NAALADL2: variants seen among roughly 807,000 people sequenced by gnomAD.
NAALADL2 encodes inactive N-acetylated-alpha-linked acidic dipeptidase-like protein 2.
Under a neutral mutation model 87.2 loss-of-function variants are expected in NAALADL2, and 76 were observed. The observed-to-expected ratio is 0.87, with a 90% confidence interval of 0.72 to 1.05. NAALADL2 has a LOEUF of 1.05. NAALADL2 is among the 50% of genes least tolerant of loss of function. The pLI, the probability that NAALADL2 is intolerant of heterozygous loss-of-function variation, is 0.00. For missense variants in NAALADL2, 1,089 were observed against 945.8 expected (o/e 1.15, Z -1.99); for synonymous variants, 354 against 331.0 (o/e 1.07, Z -0.75).
In NAALADL2 at chr3:175,335,310, A is replaced by G. The variant is rs573440081; in HGVS notation, c.1090+10985A>G. Among the ~76,000 whole-genome samples, 5 of 152,344 alleles carry G rather than the reference A, an allele frequency of 3.3e-5. No individual in the cohort carries two copies. In the East Asian group the frequency reaches 7.7e-4, roughly 23 times the overall value. ...TACAGAGAATTTCTGTCATCAAGCAAAATTCCGTTGGAATGAGTGCTGCAG... is the reference window on the plus strand; with the variant it reads ...TACAGAGAATTTCTGTCATCAAGCAGAATTCCGTTGGAATGAGTGCTGCAG... On this transcript the variant is annotated intron_variant, in intron 5 of 13. Transcript: ENST00000454872.
intron 2 of NAALADL2, among the ~76,000 whole-genome samples, chr3:175,189,882 A>T (rs537259334): frequency 4.6e-5 from 7 of 152,310 alleles, no homozygotes; most frequent in African/African-American, 1.7e-4. Flanking sequence ...GGTAACAGAA[A>T]AAGACAGTGA....
chr3:175,106,229 AAGTT>A (rs56136195), intron 2 of NAALADL2, among the ~76,000 whole-genome samples: 66,781 of 151,448 alleles, frequency 0.44, 14,727 homozygotes, highest in East Asian at 0.52. Context: ...CATCAGGACT[AAGTT>A]AGAGTGTTAA....
At chr3:175,126,483 C>G (rs1188537858) in intron 2 of NAALADL2, among the ~76,000 whole-genome samples, 1 of 152,030 alleles carries the variant, frequency 6.6e-6, no homozygotes, top group Non-Finnish European at 1.5e-5. Context: ...TCAAAAGTAA[C>G]TGAACAATTC....
chr3:174,711,429 C>T (rs962817831), intron 2 of NAALADL2, among the ~76,000 whole-genome samples: 1 of 152,192 alleles, frequency 6.6e-6, no homozygotes, highest in Non-Finnish European at 1.5e-5. Flanking sequence ...GAGAATTATG[C>T]TTCCCACTTA....
intron 11 of NAALADL2, among the ~76,000 whole-genome samples, chr3:175,666,911 AAATT>A (rs1198645246): frequency 2.0e-5 from 3 of 152,046 alleles, no homozygotes; most frequent in Non-Finnish European, 4.4e-5. Context: ...AATAGAACTC[AAATT>A]AATTAATCTA....
intron 9 of NAALADL2, among the ~76,000 whole-genome samples, chr3:175,477,276 T>A (rs887671065): frequency 4.6e-5 from 7 of 152,170 alleles, no homozygotes; most frequent in Admixed American, 4.6e-4. Flanking sequence ...TTAGAACAGA[T>A]GTTACTACTT....
At chr3:175,454,628 C>G (rs530866945) in intron 6 of NAALADL2, among the ~76,000 whole-genome samples, 2 of 152,158 alleles carry the variant, frequency 1.3e-5, no homozygotes, top group South Asian at 4.1e-4. Flanking sequence ...TTTTATTTAC[C>G]TGGGTTCCCA....
intron 2 of NAALADL2, among the ~76,000 whole-genome samples, chr3:175,124,921 C>T (rs1367776818): frequency 6.6e-6 from 1 of 151,856 alleles, no homozygotes; most frequent in South Asian, 2.1e-4. Context: ...AGAGTAGAGA[C>T]ATGAGCACTA....
intron 2 of NAALADL2, among the ~76,000 whole-genome samples, chr3:175,205,840 G>T (rs1177488596): frequency 6.6e-6 from 1 of 150,782 alleles, no homozygotes; most frequent in South Asian, 2.1e-4. Flanking sequence ...AAAAAAAAAT[G>T]AAAAAATGCC....
intron 2 of NAALADL2, among the ~76,000 whole-genome samples, chr3:174,576,765 A>G (rs1190802877): frequency 6.6e-6 from 1 of 152,214 alleles, no homozygotes; most frequent in Admixed American, 6.5e-5. Context: ...TAAGGTTTAA[A>G]TGATAGCTTC....
At position 175,096,637 on chromosome 3, in the gene NAALADL2, A is replaced by G. The variant is rs140321656; in HGVS notation, c.44-153A>G. Among the ~76,000 whole-genome samples the G allele has an allele frequency of 5.5e-3, 829 of 152,006 alleles. 5 individuals are homozygous for G. The highest frequency in any genetic ancestry group is 0.019 in the African/African-American group (790 of 41,476). On this transcript the variant is annotated intron_variant, in intron 1 of 13. Transcript: ENST00000454872. The stretch of plus-strand genomic sequence containing the variant: ...AACATCAACAGAAAATTATAAGATT[A>G]ATTAAATAAAATATGAGTTTCTATA...
chr3:175,349,598 T>C (rs540816922), intron 5 of NAALADL2, among the ~76,000 whole-genome samples: 81 of 152,282 alleles, frequency 5.3e-4, no homozygotes, highest in Non-Finnish European at 9.7e-4. Context: ...AACAGACCCT[T>C]GCTTCAACCT....
intron 3 of NAALADL2, among the ~76,000 whole-genome samples, chr3:174,830,719 T>C (rs867037383): frequency 5.9e-5 from 9 of 152,152 alleles, no homozygotes; most frequent in Non-Finnish European, 1.5e-5. Context: ...TTTCACGATA[T>C]TGATTCTTCC....
chr3:175,363,481 C>G (rs1280135453), intron 5 of NAALADL2, among the ~76,000 whole-genome samples: 2 of 147,178 alleles, frequency 1.4e-5, no homozygotes, highest in Non-Finnish European at 3.0e-5. Context: ...GATTTTGTTT[C>G]CTTTTATGAG....
chr3:175,484,518 A>G (rs756630686), intron 9 of NAALADL2, among the ~76,000 whole-genome samples: 11 of 152,122 alleles, frequency 7.2e-5, no homozygotes, highest in Non-Finnish European at 1.3e-4. Context: ...AAGTCAACTC[A>G]CTTTCTTTAA....
chr3:174,862,425 C>A (rs765404015), intron 1 of NAALADL2, among the ~76,000 whole-genome samples: 20 of 151,980 alleles, frequency 1.3e-4, no homozygotes, highest in Non-Finnish European at 2.4e-4. Flanking sequence ...ATAAGGGCTT[C>A]TTACCTCTTC....
chr3:175,663,195 G>A (rs185707428), intron 11 of NAALADL2, among the ~76,000 whole-genome samples: 1 of 151,302 alleles, frequency 6.6e-6, no homozygotes, highest in African/African-American at 2.4e-5. Flanking sequence ...GCCTAGTGGG[G>A]AGACATTTTA....
chr3:175,147,486 T>C (rs1730910929), intron 2 of NAALADL2, among the ~76,000 whole-genome samples: 1 of 152,190 alleles, frequency 6.6e-6, no homozygotes, highest in African/African-American at 2.4e-5. Flanking sequence ...TCATCCAGTC[T>C]ACCACGGATG....
At chr3:174,635,881 T>G (rs1353368276) in intron 2 of NAALADL2, among the ~76,000 whole-genome samples, 1 of 152,226 alleles carries the variant, frequency 6.6e-6, no homozygotes, top group Non-Finnish European at 1.5e-5. Context: ...ATTGATGACA[T>G]TTTTATATGT....
Sources: allele counts gnomAD v4.1 joint callset (sites outside exome capture counted in the v4.1 genomes callset), GRCh38; gene constraint gnomAD v4.1.1; transcripts MANE v1.5; gene names NCBI Gene and HGNC (gene_info 2026-07-23, HGNC 2026-07-21).